The following ACACA variants were observed in gnomAD, a reference collection of about 807,000 sequenced individuals.
ACACA encodes acetyl-CoA carboxylase 1.
ACACA carries 103 observed loss-of-function variants against 296.1 expected under a neutral mutation model. That is an observed-to-expected ratio of 0.35 (90% CI 0.30 to 0.41). The LOEUF (loss-of-function observed/expected upper bound fraction) is 0.41. ACACA is among the 10% of genes least tolerant of loss of function. The pLI, the probability that ACACA is intolerant of heterozygous loss-of-function variation, is 1.00. For missense variants in ACACA, 1,554 were observed against 2,989.7 expected, an observed-to-expected ratio of 0.52 and a Z score of 11.20; for synonymous variants, 953 against 1,038.6, an observed-to-expected ratio of 0.92 and a Z score of 1.58.
At chr17:37,146,359 A>G (rs1361070041) in intron 45 of ACACA, among the ~76,000 whole-genome samples, 1 of 147,218 alleles carries the variant, frequency 6.8e-6, no homozygotes, top group Non-Finnish European at 1.5e-5. Context: ...AGGTTGCTGC[A>G]TTATGGGAGT....
chr17:37,340,474 T>G (rs1223095833), intron 1 of ACACA, among the ~76,000 whole-genome samples: 2 of 152,220 alleles, frequency 1.3e-5, no homozygotes, highest in Non-Finnish European at 2.9e-5. Flanking sequence ...CCACCCTAGA[T>G]CTGCTGAATC....
chr17:37,260,276 ATATATATATATATATATATATTTTTTT>A (rs1315554914), intron 11 of ACACA, among the ~76,000 whole-genome samples: 45 of 29,826 alleles, frequency 1.5e-3, no homozygotes, highest in African/African-American at 7.3e-3. Flanking sequence ...ATATATATAT[ATATATATATATATATATATATTTTTTT>A]TTTTTTTTTT....
chr17:37,227,651 G>A (rs902641767), intron 25 of ACACA, among the ~76,000 whole-genome samples: 2 of 152,114 alleles, frequency 1.3e-5, no homozygotes, highest in African/African-American at 4.8e-5. Context: ...TGCGGATCAC[G>A]AGGTCGAGAC....
chr17:37,160,123 A>G lies in ACACA; in HGVS notation c.5349+1658T>C, dbSNP rs77360832. On this transcript the variant is annotated intron_variant, in intron 42 of 55. Coordinates refer to ENST00000616317, the MANE Select transcript of ACACA (RefSeq NM_198834.3). ...AAGAACATCTGGAGACAGCAAGAACAACTCCTTTAAAACAATTTTCCTGTA... is the reference window on the plus strand; with the variant it reads ...AAGAACATCTGGAGACAGCAAGAACGACTCCTTTAAAACAATTTTCCTGTA... 7.6e-3 allele frequency among the ~76,000 whole-genome samples: 1,155 copies of G among 152,286 alleles called. 7 individuals are homozygous for G. The highest frequency in any genetic ancestry group is 0.013 in the Non-Finnish European group (913 of 68,014).
intron 1 of ACACA, chr17:37,392,491 G>A (rs1220466588): frequency 6.6e-6 from 1 of 152,174 alleles, no homozygotes; most frequent in Non-Finnish European, 1.5e-5. Flanking sequence ...AGAGTTTGGT[G>A]AGAAAGTGAA....
At chr17:37,126,548 C>T (rs894069335) in intron 47 of ACACA, among the ~76,000 whole-genome samples, 6 of 152,092 alleles carry the variant, frequency 3.9e-5, no homozygotes, top group African/African-American at 1.4e-4. Context: ...TGACCAAAGC[C>T]CCATAAAAGC....
intron 3 of ACACA, among the ~76,000 whole-genome samples, chr17:37,309,823 G>C (rs537183813): frequency 6.6e-6 from 1 of 151,896 alleles, no homozygotes; most frequent in Non-Finnish European, 1.5e-5. Flanking sequence ...AGGTGAAGGC[G>C]AGAGGATCAC....
At chr17:37,172,983 A>C (rs1180889540) in intron 41 of ACACA, among the ~76,000 whole-genome samples, 2 of 152,220 alleles carry the variant, frequency 1.3e-5, no homozygotes, top group Non-Finnish European at 2.9e-5. Context: ...AAAGACTGAC[A>C]CTGACTCAAT....
chr17:37,397,996 C>T (rs2051136397), intron 1 of ACACA, among the ~76,000 whole-genome samples: 1 of 151,906 alleles, frequency 6.6e-6, no homozygotes, highest in Admixed American at 6.6e-5. Context: ...TTTGGGAGGC[C>T]GAGGCAGGTG....
intron 33 of ACACA, among the ~76,000 whole-genome samples, chr17:37,200,959 G>A (rs546169562): frequency 6.6e-6 from 1 of 152,274 alleles, no homozygotes; most frequent in Admixed American, 6.5e-5. Context: ...ATCAGATACA[G>A]CATCCCTAGA....
rs1416116296 is a variant in ACACA at position 37,263,776 on chromosome 17, C to T, written c.1238G>A (p.Arg413His). Reference protein sequence around the residue: ...QYGNAISLFGRDCSVQRRHQK... With the variant: ...QYGNAISLFGHDCSVQRRHQK... ...ATGCCTGCGTTGTACAGAGCAATCA[C>T]GACCAAACAAAGAGATAGCATTGCC... Residue 413 changes from arginine (R) to histidine (H), a missense_variant, in exon 11 of 56, where the codon CGT becomes CAT. Around this residue, in one of 16 missense-constraint regions of ACACA, gnomAD observed 82 missense variants for 185.2 expected, o/e 0.44. Transcript: ENST00000616317. 6.2e-7 allele frequency: 1 copy of T among 1,614,036 alleles called. No homozygotes were observed. Among genetic ancestry groups the T allele is most frequent in the African/African-American group, 1.3e-5 (1 of 75,008 alleles).
chr17:37,284,904 T>C lies in ACACA; in HGVS notation c.405A>G (p.Arg135=). Residue 135 remains arginine, a synonymous_variant, in exon 4 of 56, where the codon CGA becomes CGG. Transcript: ENST00000616317. ...GRDRKKIDSQ[R]DFTVASPAEF... ...CTGCTGGAGAAGCCACAGTGAAATC[T>C]CGTTGAGAATCTATTTTCTTTCTGT... is the stretch of plus-strand genomic sequence containing the variant. The C allele has an allele frequency of 6.2e-7, 1 of 1,614,174 alleles. No homozygotes were observed.
At chr17:37,327,277 A>G (rs554212422) in intron 3 of ACACA, among the ~76,000 whole-genome samples, 17 of 151,676 alleles carry the variant, frequency 1.1e-4, no homozygotes, top group Admixed American at 6.5e-4. Flanking sequence ...AGATGTCATA[A>G]CAGAGGTCTT....
At chr17:37,379,303 C>A (rs776366004) in intron 1 of ACACA, 4 of 1,614,010 alleles carry the variant, frequency 2.5e-6, no homozygotes, top group South Asian at 1.1e-5. Flanking sequence ...CTGCTCCCCG[C>A]AGAAACAGCT....
intron 39 of ACACA, among the ~76,000 whole-genome samples, chr17:37,181,603 A>G (rs1196756260): frequency 6.6e-6 from 1 of 152,132 alleles, no homozygotes; most frequent in Non-Finnish European, 1.5e-5. Flanking sequence ...ATTAGTTGAA[A>G]TCAACAAGAA....
chr17:37,362,334 TC>T (rs2049434491), intron 1 of ACACA, among the ~76,000 whole-genome samples: 1 of 152,204 alleles, frequency 6.6e-6, no homozygotes, highest in African/African-American at 2.4e-5. Flanking sequence ...ATCCTGAGCA[TC>T]CCAGCTACCT....
At position 37,200,467 on chromosome 17, in the gene ACACA, T is replaced by C; in HGVS notation, c.4073A>G (p.Asp1358Gly). Residue 1358 changes from aspartate (D) to glycine (G), a missense_variant, in exon 34 of 56, where the codon GAC (aspartate) becomes GGC (glycine). Physicochemically the swap from Asp to Gly is moderately conservative, Grantham distance 94. Coordinates refer to ENST00000616317, the MANE Select transcript of ACACA (RefSeq NM_198834.3). ...FTQQNKATLV[D>G]HGIRRLTFLV... ...GAAAGTAAGGCGCCGGATCCCATGG[T>C]CAACCAGGGTAGCTTTCTAGGAGCA... 1.2e-6 allele frequency: 2 copies of C among 1,613,222 alleles called. No individual in the cohort carries two copies. The highest frequency in any genetic ancestry group is 2.2e-5 in the South Asian group (2 of 91,064).
At chr17:37,362,690 G>A (rs1458558209) in intron 1 of ACACA, among the ~76,000 whole-genome samples, 1 of 152,118 alleles carries the variant, frequency 6.6e-6, no homozygotes, top group Non-Finnish European at 1.5e-5. Context: ...ACTAGGGTGC[G>A]CCAGGCGCGG....
At chr17:37,094,964 C>T (rs1233554923) in intron 54 of ACACA, among the ~76,000 whole-genome samples, 2 of 152,262 alleles carry the variant, frequency 1.3e-5, no homozygotes, top group African/African-American at 2.4e-5. Flanking sequence ...AGCTTGTACA[C>T]ACGTGGTCAA....
Sources: allele counts gnomAD v4.1 joint callset (sites outside exome capture counted in the v4.1 genomes callset), GRCh38; gene constraint gnomAD v4.1.1; regional missense constraint gnomAD v4.1.1; transcripts MANE v1.5; gene names NCBI Gene and HGNC (gene_info 2026-07-23, HGNC 2026-07-21).